Variants in CTF1 observed in about 807,000 individuals in gnomAD.
The protein encoded by CTF1 is cardiotrophin-1.
A neutral mutation model predicts 10.9 loss-of-function variants in CTF1; 9 were observed. The ratio of observed to expected loss-of-function variants is 0.83; its 90% CI spans 0.50 to 1.44. The LOEUF is 1.44. Ranked by LOEUF, CTF1 falls within the 40% of genes most tolerant of loss-of-function variation. CTF1 has a pLI of 0.00. For synonymous variants in CTF1, 133 were observed against 138.8 expected, an observed-to-expected ratio of 0.96 and a Z score of 0.29; for missense variants, 259 against 275.3, an observed-to-expected ratio of 0.94 and a Z score of 0.42.
intron 2 of CTF1, among the ~76,000 whole-genome samples, chr16:30,900,629 T>G (rs11646082): frequency 0.07 from 10,579 of 151,176 alleles, 486 homozygotes; most frequent in Non-Finnish European, 0.11. Flanking sequence ...GAAAAGAAAA[T>G]AAAAAGGAAA....
intron 2 of CTF1, among the ~76,000 whole-genome samples, chr16:30,900,200 A>G (rs2143236656): frequency 6.6e-6 from 1 of 152,346 alleles, no homozygotes; most frequent in East Asian, 1.9e-4. Context: ...GAAGCCAAGA[A>G]GAGGTTCCAA....
chr16:30,901,955 G>C (rs1278896180), intron 2 of CTF1, 123 bp from the exon 3 acceptor site: 3 of 892,628 alleles, frequency 3.4e-6, no homozygotes. Flanking sequence ...AGCTCTGTTA[G>C]GAGGGATTAT....
Position 30,902,554 on chromosome 16 carries a change from C to A in CTF1, c.*15C>A. The A allele has an allele frequency of 6.7e-7, 1 of 1,493,826 alleles. No individual in the cohort carries two copies. The highest frequency in any genetic ancestry group is 2.1e-5 in the Admixed American group (1 of 47,780). 92.5% of individuals were successfully genotyped at this position (1,493,826 alleles called of 1,614,324 possible). A position where few individuals can be genotyped will look rare whatever the true frequency, so the allele number is the denominator to read the frequency against. On this transcript the variant is annotated 3_prime_UTR_variant, in exon 3 of 3. Transcript: ENST00000279804. ...GCTCGGCCTGAGCGCCGCGGGGCAG[C>A]TCGCCCCGCCTCCTCCCGCTGGGTT...
At chr16:30,899,964 G>A (rs2143235958) in intron 2 of CTF1, among the ~76,000 whole-genome samples, 1 of 152,282 alleles carries the variant, frequency 6.6e-6, no homozygotes, top group South Asian at 2.1e-4. Context: ...TATTGCCCAG[G>A]CTGGTCTTGA....
chr16:30,899,929 A>G (rs1336316294), intron 2 of CTF1, among the ~76,000 whole-genome samples: 1 of 151,974 alleles, frequency 6.6e-6, no homozygotes, highest in Non-Finnish European at 1.5e-5. Context: ...TTTTTTCATT[A>G]TTTTGTAGAG....
chr16:30,901,384 C>G (rs2055399070), intron 2 of CTF1, among the ~76,000 whole-genome samples: 1 of 152,070 alleles, frequency 6.6e-6, no homozygotes, highest in South Asian at 2.1e-4. Context: ...GGCTGAGGCT[C>G]AGAGAAGGGA....
At position 30,899,551 on chromosome 16, in the gene CTF1, T is replaced by TG; in HGVS notation, c.144+23dup. 3 of 435,268 alleles carry TG rather than the reference T, an allele frequency of 6.9e-6. No homozygotes were observed. Among genetic ancestry groups the TG allele is most frequent in the Non-Finnish European group, 4.2e-6 (1 of 240,218 alleles). The allele number at this position is 435,268 out of a possible 1,614,324, so 27.0% of individuals were successfully genotyped here. On this transcript the variant is annotated intron_variant, in intron 2 of 2. Transcript: ENST00000279804. ...AGGAATATGTGAGTGGGAATGGGGG[T>TG]GGGGGTGCCGGGGGCCTGGGGAATG...
intron 1 of CTF1, among the ~76,000 whole-genome samples, chr16:30,897,968 C>T (rs1056156799): frequency 6.6e-6 from 1 of 151,350 alleles, no homozygotes; most frequent in Non-Finnish European, 1.5e-5. Context: ...AATTCTCCTG[C>T]CTCAGCCTCC....
chr16:30,897,221 C>T (rs996544934), intron 1 of CTF1, among the ~76,000 whole-genome samples: 9 of 152,160 alleles, frequency 5.9e-5, no homozygotes, highest in African/African-American at 2.2e-4. Flanking sequence ...CCCGGGGCGC[C>T]AGACACTGGC....
In CTF1 at chr16:30,902,103, G is replaced by T; in HGVS notation, c.170G>T (p.Gly57Val). Residue 57 changes from glycine to valine, a missense_variant, in exon 3 of 3, where the codon GGG becomes GTG. Physicochemically the swap from Gly to Val is moderately radical, Grantham distance 109 (BLOSUM62 -3). Coordinates refer to ENST00000279804, the MANE Select transcript of CTF1 (RefSeq NM_001330.5). ...EYVQLQGDPF[G>V]LPSFSPPRLP... ...GTGCAGCTCCAGGGAGACCCCTTCGGGCTGCCCAGCTTCTCGCCGCCGCGG... is the reference window on the plus strand; with the variant it reads ...GTGCAGCTCCAGGGAGACCCCTTCGTGCTGCCCAGCTTCTCGCCGCCGCGG... 1 of 1,424,586 alleles carries T rather than the reference G, an allele frequency of 7.0e-7. No homozygotes were observed. Among genetic ancestry groups the T allele is most frequent in the South Asian group, 1.4e-5 (1 of 71,918 alleles). The allele number at this position is 1,424,586 out of a possible 1,614,324, so 88.2% of individuals were successfully genotyped here.
rs1567331534 is a variant in CTF1 at position 30,902,524 on chromosome 16, CG to C, written c.596del (p.Gly199AlafsTer111). 4.0e-6 allele frequency: 6 copies of C among 1,496,484 alleles called. No individual in the cohort carries two copies. The highest frequency in any genetic ancestry group is 4.2e-5 in the Admixed American group (2 of 48,072). The allele number at this position is 1,496,484 out of a possible 1,614,324, so 92.7% of individuals were successfully genotyped here. A position where few individuals can be genotyped will look rare whatever the true frequency, so the allele number is the denominator to read the frequency against. On this transcript the variant is annotated frameshift_variant, in exon 3 of 3. Coordinates refer to ENST00000279804, the MANE Select transcript of CTF1 (RefSeq NM_001330.5). LOFTEE classifies it high-confidence loss of function. ...AGGGCGACCTGGGCCAGCTGCTGCC[CG>C]GGGGCTCGGCCTGAGCGCCGCGGGG... is the stretch of plus-strand genomic sequence containing the variant. ...TEGDLGQLLP[G>X]GSA
In CTF1 at chr16:30,902,279, C is replaced by A. The variant is rs1264949291; in HGVS notation, c.346C>A (p.Pro116Thr). ...CCAGGCCGAGCTGAACCCGCGCGCGCCGCGCCTGCTGCGCCGCCTGGAGGA... is the reference window on the plus strand; with the variant it reads ...CCAGGCCGAGCTGAACCCGCGCGCGACGCGCCTGCTGCGCCGCCTGGAGGA... ...RRQAELNPRA[P>T]RLLRRLEDAA... Residue 116 changes from proline to threonine, a missense_variant, in exon 3 of 3, where the codon CCG (proline) becomes ACG (threonine). By Grantham distance (38) the Pro-to-Thr change is conservative. Coordinates refer to ENST00000279804, the MANE Select transcript of CTF1 (RefSeq NM_001330.5). 1.2e-5 allele frequency: 12 copies of A among 1,034,228 alleles called. No homozygotes were observed. The highest frequency in any genetic ancestry group is 1.7e-5 in the African/African-American group (1 of 57,788). The allele number at this position is 1,034,228 out of a possible 1,614,324, so 64.1% of individuals were successfully genotyped here.
intron 2 of CTF1, 30 bp downstream of exon 2, chr16:30,899,563 G>T: frequency 9.1e-7 from 1 of 1,095,684 alleles, no homozygotes; most frequent in South Asian, 1.3e-5. Context: ...GGGGTGCCGG[G>T]GGCCTGGGGA....
At position 30,902,620 on chromosome 16, in the gene CTF1, C is replaced by T; in HGVS notation, c.*81C>T. The stretch of plus-strand genomic sequence containing the variant: ...CTTCTTTGTCTTTCTCTGCCGCTGT[C>T]GGTGTCTGTCTGTCTGCTCTTAGCT... On this transcript the variant is annotated 3_prime_UTR_variant, in exon 3 of 3. Coordinates refer to ENST00000279804, the MANE Select transcript of CTF1 (RefSeq NM_001330.5). The T allele has an allele frequency of 1.4e-6, 2 of 1,404,018 alleles. No homozygotes were observed. Among genetic ancestry groups the T allele is most frequent in the South Asian group, 1.4e-5 (1 of 72,792 alleles). The allele number at this position is 1,404,018 out of a possible 1,614,324, so 87.0% of individuals were successfully genotyped here.
Position 30,902,374 on chromosome 16 carries a change from C to T in CTF1, c.441C>T (p.Asn147=). The change falls in exon 3 of 3, where the codon AAC becomes AAT. Residue 147 remains asparagine, a synonymous_variant. Coordinates refer to ENST00000279804, the MANE Select transcript of CTF1 (RefSeq NM_001330.5). Reference sequence around the variant, plus strand: ...TGCTGGCCGCGCTGGGCGCCGCCAACCGCGGGCCCCGGGCCGAGCCCCCCG... The same window carrying T: ...TGCTGGCCGCGCTGGGCGCCGCCAATCGCGGGCCCCGGGCCGAGCCCCCCG... The part of the protein sequence containing the change: ...EALLAALGAA[N]RGPRAEPPAA... 1 of 1,197,650 alleles carries T rather than the reference C, an allele frequency of 8.3e-7. No homozygotes were observed. The highest frequency in any genetic ancestry group is 1.0e-6 in the Non-Finnish European group (1 of 968,630). 74.2% of individuals were successfully genotyped at this position (1,197,650 alleles called of 1,614,324 possible). A position where few individuals can be genotyped will look rare whatever the true frequency, so the allele number is the denominator to read the frequency against.
chr16:30,902,058 C>A lies in CTF1; in HGVS notation c.145-20C>A. ...CCCGTGCTCCGGGGCCCCGCTGACC[C>A]GCCGGCCGTGTCTCCGCAGGTGCAG... On this transcript the variant is annotated intron_variant, in intron 2 of 2. Transcript: ENST00000279804. The A allele has an allele frequency of 6.9e-7, 1 of 1,445,042 alleles. No homozygotes were observed. The highest frequency in any genetic ancestry group is 1.5e-5 in the African/African-American group (1 of 68,114). 89.5% of individuals were successfully genotyped at this position (1,445,042 alleles called of 1,614,324 possible).
At position 30,902,081 on chromosome 16, in the gene CTF1, C is replaced by T. The variant is rs2055405073; in HGVS notation, c.148C>T (p.Gln50Ter). 6.9e-6 allele frequency: 10 copies of T among 1,450,900 alleles called. No homozygotes were observed. In the South Asian group the frequency reaches 1.2e-4, roughly 17 times the overall value. The allele number at this position is 1,450,900 out of a possible 1,614,324, so 89.9% of individuals were successfully genotyped here. ...CCCGCCGGCCGTGTCTCCGCAGGTG[C>T]AGCTCCAGGGAGACCCCTTCGGGCT... ...YAEQLLQEYV[Q>*]LQGDPFGLPS... The change falls in exon 3 of 3, where the codon CAG (glutamine) becomes TAG (stop). Residue 50 changes from glutamine (Q) to a stop codon, truncating the protein, a stop_gained. Transcript: ENST00000279804. LOFTEE classifies it high-confidence loss of function.
intron 2 of CTF1, 28 bp from the exon 3 acceptor site, chr16:30,902,050 C>T: frequency 2.1e-6 from 3 of 1,439,684 alleles, no homozygotes; most frequent in East Asian, 3.0e-5. Flanking sequence ...TCCGGGGCCC[C>T]GCTGACCCGC....
At chr16:30,900,037 G>A (rs566508435) in intron 2 of CTF1, among the ~76,000 whole-genome samples, 3 of 152,326 alleles carry the variant, frequency 2.0e-5, no homozygotes, top group Admixed American at 2.0e-4. Flanking sequence ...CTGGGGCAGT[G>A]AAGAGAACTC....
Sources: gnomAD v4.1 joint callset for allele counts (sites outside exome capture counted in the v4.1 genomes callset) on GRCh38, gnomAD v4.1.1 for gene constraint, MANE v1.5 for transcripts, NCBI Gene and HGNC (gene_info 2026-07-23, HGNC 2026-07-21) for gene names.